MID1: variants seen among roughly 807,000 people sequenced by gnomAD.
MID1 encodes midline 1, also known as E3 ubiquitin-protein ligase Midline-1.
MID1 carries 7 observed loss-of-function variants against 40.4 expected under a neutral mutation model. The ratio of observed to expected loss-of-function variants is 0.17; its 90% confidence interval spans 0.10 to 0.33. The LOEUF is 0.33. Among genes scored for constraint, MID1 ranks in the 10% least tolerant of loss-of-function variants. The probability of loss-of-function intolerance (pLI) is 1.00; values close to 1 mark genes in which losing one functional copy is unlikely to be tolerated. For synonymous variants in MID1, 229 were observed against 221.2 expected (o/e 1.04, Z -0.31); for missense variants, 367 against 558.5 (o/e 0.66, Z 3.46).
chrX:10,561,938 C>G (rs778273569), intron 2 of MID1, among the ~76,000 whole-genome samples: 2 of 107,210 alleles, frequency 1.9e-5, no homozygotes, highest in Non-Finnish European at 3.8e-5. Context: ...TATTGCAGTA[C>G]TATTTACAAT....
chrX:10,515,003 C>T (rs1277289697), intron 3 of MID1, among the ~76,000 whole-genome samples: 6 of 111,289 alleles, frequency 5.4e-5, no homozygotes, highest in Non-Finnish European at 1.1e-4. Context: ...ACATTCATGT[C>T]GGCCCCCAGC....
Position 10,768,199 on chromosome X carries a change from C to T in MID1, c.-187+65355G>A, listed in dbSNP as rs182719643. On this transcript the variant is annotated intron_variant, in intron 1 of 10. Transcript: ENST00000380785. ...TATTAATATAAGCAGAAAAATGAAA[C>T]TTTTTTTTAAGTTGAACTTAAAAGC... Among the ~76,000 whole-genome samples, 659 of 109,868 alleles carry T rather than the reference C, an allele frequency of 6.0e-3. 4 individuals carry two copies. The highest frequency in any genetic ancestry group is 0.021 in the African/African-American group (622 of 30,328).
chrX:10,447,324 AG>A lies in MID1; in HGVS notation c.*2043del, dbSNP rs1426584744. ...CTAAGTGTTTTATGTTAACATCATA[AG>A]GCAAACTGTAGCATTTATTGGTACC... On this transcript the variant is annotated 3_prime_UTR_variant, in exon 10 of 10. Coordinates refer to ENST00000317552, the MANE Select transcript of MID1 (RefSeq NM_000381.4). The A allele has an allele frequency of 8.9e-6, 1 of 111,935 alleles. No individual in the cohort carries two copies. Among genetic ancestry groups the A allele is most frequent in the Admixed American group, 9.5e-5 (1 of 10,569 alleles). The allele number at this position is 111,935 out of a possible 1,213,427, so 9.2% of individuals were successfully genotyped here. A position where few individuals can be genotyped will look rare whatever the true frequency, so the allele number is the denominator to read the frequency against.
intron 1 of MID1, among the ~76,000 whole-genome samples, chrX:10,633,540 C>T (rs1278172412): frequency 9.0e-6 from 1 of 110,765 alleles, no homozygotes; most frequent in Non-Finnish European, 1.9e-5. Flanking sequence ...CTCAATCAAC[C>T]TCCCAGGCCC....
intron 1 of MID1, among the ~76,000 whole-genome samples, chrX:10,611,797 T>A (rs1935741280): frequency 9.0e-6 from 1 of 111,529 alleles, no homozygotes; most frequent in South Asian, 3.7e-4. Context: ...GAACTAAATA[T>A]ACAAAAACTA....
chrX:10,613,940 A>G (rs993252623), intron 1 of MID1, among the ~76,000 whole-genome samples: 5 of 107,619 alleles, frequency 4.6e-5, no homozygotes, highest in African/African-American at 1.7e-4. Flanking sequence ...TTTCTTCTTC[A>G]TATCCCTTCG....
chrX:10,475,030 A>C (rs1267552167), intron 5 of MID1: 1 of 384,458 alleles, frequency 2.6e-6, no homozygotes, highest in Admixed American at 3.0e-5. Flanking sequence ...AAGAATATTC[A>C]TATTTCATGT....
At chrX:10,711,326 C>CTGAA (rs780027389) in intron 1 of MID1, among the ~76,000 whole-genome samples, 21 of 112,119 alleles carry the variant, frequency 1.9e-4, no homozygotes, top group Non-Finnish European at 3.9e-4. Flanking sequence ...AGCTCACCCT[C>CTGAA]GTTCCAGAAT....
intron 1 of MID1, among the ~76,000 whole-genome samples, chrX:10,826,950 C>A (rs774586876): frequency 7.2e-5 from 8 of 111,751 alleles, no homozygotes; most frequent in African/African-American, 2.6e-4. Context: ...CTACTCTCAT[C>A]CTTATCCCTT....
chrX:10,733,052 C>T (rs1437714607), intron 1 of MID1, among the ~76,000 whole-genome samples: 2 of 109,041 alleles, frequency 1.8e-5, no homozygotes, highest in Non-Finnish European at 3.8e-5. Flanking sequence ...TTAGTAGAGA[C>T]GGGGTTTCAC....
At chrX:10,795,523 A>T (rs2043961415) in intron 1 of MID1, among the ~76,000 whole-genome samples, 1 of 112,244 alleles carries the variant, frequency 8.9e-6, no homozygotes, top group African/African-American at 3.2e-5. Flanking sequence ...ACACTTCTTT[A>T]AAAAACAACC....
At chrX:10,660,540 C>T (rs919841385) in intron 1 of MID1, among the ~76,000 whole-genome samples, 2 of 112,446 alleles carry the variant, frequency 1.8e-5, no homozygotes, top group African/African-American at 3.2e-5. Flanking sequence ...CTTTCAGAAT[C>T]GATTCTGCAG....
chrX:10,819,249 A>G (rs1244285562), intron 1 of MID1, among the ~76,000 whole-genome samples: 1 of 110,252 alleles, frequency 9.1e-6, no homozygotes, highest in Admixed American at 9.6e-5. Context: ...GAGAGAGAGA[A>G]ATAATACTTA....
At chrX:10,704,382 A>G (rs1488623318) in intron 1 of MID1, among the ~76,000 whole-genome samples, 4 of 110,638 alleles carry the variant, frequency 3.6e-5, no homozygotes, top group Admixed American at 2.0e-4. Flanking sequence ...CTCAGGGACT[A>G]CTGCGTTGCT....
intron 3 of MID1, among the ~76,000 whole-genome samples, chrX:10,518,194 G>A (rs1932544210): frequency 8.9e-6 from 1 of 112,086 alleles, no homozygotes; most frequent in Non-Finnish European, 1.9e-5. Flanking sequence ...ATGGAAAAAA[G>A]AGAAAGAGAA....
At chrX:10,808,107 T>C (rs1400567176) in intron 1 of MID1, among the ~76,000 whole-genome samples, 3 of 112,458 alleles carry the variant, frequency 2.7e-5, no homozygotes, top group Non-Finnish European at 5.6e-5. Context: ...AACACATGTG[T>C]CAGATGTTGG....
intron 1 of MID1, among the ~76,000 whole-genome samples, chrX:10,822,299 T>G (rs1418240479): frequency 9.0e-6 from 1 of 111,596 alleles, no homozygotes; most frequent in African/African-American, 3.3e-5. Context: ...TGCAGAGAAC[T>G]GAAACTGGAC....
chrX:10,662,316 A>C (rs192134175), intron 1 of MID1, among the ~76,000 whole-genome samples: 58 of 110,918 alleles, frequency 5.2e-4, no homozygotes, highest in African/African-American at 1.8e-3. Flanking sequence ...AAACAAACAA[A>C]CAAAGAAACA....
chrX:10,819,692 A>G (rs2044162321), intron 1 of MID1, among the ~76,000 whole-genome samples: 1 of 111,714 alleles, frequency 9.0e-6, no homozygotes. Context: ...TTTTCTGGCA[A>G]ATTTCAGGAA....
Sources: allele counts gnomAD v4.1 joint callset (sites outside exome capture counted in the v4.1 genomes callset), GRCh38; gene constraint gnomAD v4.1.1; transcripts MANE v1.5; gene names NCBI Gene and HGNC (gene_info 2026-07-23, HGNC 2026-07-21).